The following CBX5 variants were observed in gnomAD, a reference collection of about 807,000 sequenced individuals.
CBX5 encodes chromobox 5.
A neutral mutation model predicts 20.7 loss-of-function variants in CBX5; 7 were observed. The ratio of observed to expected loss-of-function variants is 0.34; its 90% confidence interval spans 0.19 to 0.63. The LOEUF is 0.63. CBX5 is among the 30% of genes least tolerant of loss of function. The pLI, the probability that CBX5 is intolerant of heterozygous loss-of-function variation, is 0.75. For synonymous variants in CBX5, 78 were observed against 77.0 expected (o/e 1.01, Z -0.07); for missense variants, 110 against 224.1 (o/e 0.49, Z 3.25).
At chr12:54,258,845 C>T (rs777562624) in intron 1 of CBX5, among the ~76,000 whole-genome samples, 1 of 152,250 alleles carries the variant, frequency 6.6e-6, no homozygotes, top group African/African-American at 2.4e-5. Context: ...TCCACCCTGA[C>T]CAGAAAACCA....
intron 3 of CBX5, among the ~76,000 whole-genome samples, chr12:54,246,825 T>C (rs1195048864): frequency 6.7e-6 from 1 of 149,696 alleles, no homozygotes; most frequent in East Asian, 2.0e-4. Context: ...AGAAAGATAC[T>C]CTGGAGTCAA....
chr12:54,260,173 A>C (rs1044159631), intron 1 of CBX5, among the ~76,000 whole-genome samples: 3 of 151,926 alleles, frequency 2.0e-5, no homozygotes, highest in South Asian at 2.1e-4. Flanking sequence ...AAAAAAAAAA[A>C]AAAAAAACCC....
intron 1 of CBX5, chr12:54,277,256 T>G (rs1248328049): frequency 6.6e-6 from 1 of 152,062 alleles, no homozygotes; most frequent in Admixed American, 6.6e-5. Context: ...CAGGCTGGAG[T>G]GCAGTGGCGC....
intron 1 of CBX5, among the ~76,000 whole-genome samples, chr12:54,258,999 T>C (rs563318937): frequency 1.3e-5 from 2 of 152,284 alleles, no homozygotes; most frequent in South Asian, 2.1e-4. Context: ...CCAGAACTTA[T>C]TAGCTATAGG....
rs1349805887 is a variant in CBX5 at position 54,232,323 on chromosome 12, G to A, written c.*9432C>T. 1.3e-5 allele frequency: 2 copies of A among 152,278 alleles called. No homozygotes were observed. Among genetic ancestry groups the A allele is most frequent in the Non-Finnish European group, 2.9e-5 (2 of 68,102 alleles). 9.4% of individuals were successfully genotyped at this position (152,278 alleles called of 1,614,324 possible). ...GTCACTAAGTAGTTCCAGTCTTGGAGACAGCTCAGTGAGGACCAAAGCCTG... is the reference window on the plus strand; with the variant it reads ...GTCACTAAGTAGTTCCAGTCTTGGAAACAGCTCAGTGAGGACCAAAGCCTG... On this transcript the variant is annotated 3_prime_UTR_variant, in exon 5 of 5. Coordinates refer to ENST00000209875, the MANE Select transcript of CBX5 (RefSeq NM_012117.3).
chr12:54,276,264 T>C (rs901056566), intron 1 of CBX5, among the ~76,000 whole-genome samples: 13 of 152,282 alleles, frequency 8.5e-5, no homozygotes, highest in African/African-American at 3.1e-4. Context: ...GTTGAAAATA[T>C]GAAAAATTGA....
rs117568103 is a variant in CBX5 at position 54,256,573 on chromosome 12, C to T, written c.137+941G>A. ...GGAGCTGTGCCATCCAATATGGTAA[C>T]CACTAGCCACATGTGCCTATTTGAA... On this transcript the variant is annotated intron_variant, in intron 2 of 4. Transcript: ENST00000209875. 1.3e-3 allele frequency among the ~76,000 whole-genome samples: 197 copies of T among 152,154 alleles called. 1 individual carries two copies. The highest frequency in any genetic ancestry group is 2.1e-3 in the Non-Finnish European group (145 of 68,008).
intron 1 of CBX5, among the ~76,000 whole-genome samples, chr12:54,267,668 C>T (rs1324519551): frequency 1.3e-5 from 2 of 152,058 alleles, no homozygotes; most frequent in East Asian, 1.9e-4. Context: ...CCCGCCACCA[C>T]GCCCGGCTAA....
At chr12:54,250,616 T>C (rs1246477635) in intron 3 of CBX5, among the ~76,000 whole-genome samples, 1 of 139,420 alleles carries the variant, frequency 7.2e-6, no homozygotes, top group East Asian at 2.2e-4. Context: ...CCATCCTGGC[T>C]AACAAGGTGA....
At chr12:54,267,612 T>C (rs969527131) in intron 1 of CBX5, among the ~76,000 whole-genome samples, 1 of 151,912 alleles carries the variant, frequency 6.6e-6, no homozygotes, top group Non-Finnish European at 1.5e-5. Flanking sequence ...TCCGGGTTCA[T>C]GCCATTCTCC....
At chr12:54,264,696 A>G (rs1161685075) in intron 1 of CBX5, among the ~76,000 whole-genome samples, 1 of 152,118 alleles carries the variant, frequency 6.6e-6, no homozygotes, top group Non-Finnish European at 1.5e-5. Flanking sequence ...TACAAAAATT[A>G]GCCAGGTGTG....
intron 1 of CBX5, among the ~76,000 whole-genome samples, chr12:54,261,141 A>T (rs898205599): frequency 1.1e-4 from 17 of 148,942 alleles, no homozygotes; most frequent in Non-Finnish European, 2.4e-4. Flanking sequence ...CAGTGAGCCG[A>T]GACTGCGCCA....
intron 3 of CBX5, 66 bp downstream of exon 3, chr12:54,251,973 CTT>C: frequency 7.4e-7 from 1 of 1,350,716 alleles, no homozygotes; most frequent in Non-Finnish European, 1.0e-6. Flanking sequence ...AAATATGATA[CTT>C]TTATTTATTA....
chr12:54,248,604 A>G lies in CBX5; in HGVS notation c.325-2389T>C, dbSNP rs908211031. Among the ~76,000 whole-genome samples the G allele has an allele frequency of 2.6e-5, 4 of 152,314 alleles. No homozygotes were observed. The South Asian group carries it at 6.2e-4, about 24-fold the overall frequency. The stretch of plus-strand genomic sequence containing the variant: ...GTGCTTAAGGGGAAGAAGTTCCCAG[A>G]TGTGCACACAGCTGCTCACAGCTGG... On this transcript the variant is annotated intron_variant, in intron 3 of 4. Transcript: ENST00000209875.
At chr12:54,268,416 C>T (rs892832401) in intron 1 of CBX5, among the ~76,000 whole-genome samples, 35 of 152,180 alleles carry the variant, frequency 2.3e-4, no homozygotes, top group African/African-American at 8.2e-4. Flanking sequence ...CAAAGAAAGG[C>T]ATCAGATAAA....
chr12:54,257,714 T>C, intron 1 of CBX5, 22 bp from the exon 2 acceptor site: 2 of 1,591,608 alleles, frequency 1.3e-6, no homozygotes, highest in South Asian at 1.1e-5. Flanking sequence ...AAGGACAAAA[T>C]GGTTAGAATC....
chr12:54,265,415 G>A (rs1208630050), intron 1 of CBX5, among the ~76,000 whole-genome samples: 1 of 152,154 alleles, frequency 6.6e-6, no homozygotes, highest in East Asian at 1.9e-4. Context: ...CAAAGTATTA[G>A]CCATGTGGCA....
At chr12:54,267,407 T>C (rs567075173) in intron 1 of CBX5, among the ~76,000 whole-genome samples, 1 of 152,340 alleles carries the variant, frequency 6.6e-6, no homozygotes, top group South Asian at 2.1e-4. Flanking sequence ...TCATCTAGCT[T>C]GCACATTTTA....
intron 1 of CBX5, among the ~76,000 whole-genome samples, chr12:54,261,910 C>A (rs954071166): frequency 2.0e-5 from 3 of 152,116 alleles, no homozygotes; most frequent in Admixed American, 2.0e-4. Context: ...CCAAAAAGAA[C>A]CTTCTGTAAA....
Sources: gnomAD v4.1 joint callset for allele counts (sites outside exome capture counted in the v4.1 genomes callset) on GRCh38, gnomAD v4.1.1 for gene constraint, MANE v1.5 for transcripts, NCBI Gene and HGNC (gene_info 2026-07-23, HGNC 2026-07-21) for gene names.